The following USP28 variants were observed in gnomAD, a reference collection of about 807,000 sequenced individuals.
USP28 encodes ubiquitin specific peptidase 28.
A neutral mutation model predicts 145.0 loss-of-function variants in USP28; 113 were observed. That is an observed-to-expected ratio of 0.78 (90% confidence interval 0.67 to 0.91). The LOEUF is 0.91. Among genes scored for constraint, USP28 ranks in the 40% least tolerant of loss-of-function variants. The pLI is 0.00. For synonymous variants in USP28, 447 were observed against 450.9 expected, an observed-to-expected ratio of 0.99 and a Z score of 0.11; for missense variants, 1,201 against 1,289.6, an observed-to-expected ratio of 0.93 and a Z score of 1.05.
intron 12 of USP28, among the ~76,000 whole-genome samples, chr11:113,819,907 C>T (rs1274385308): frequency 2.6e-5 from 4 of 152,104 alleles, no homozygotes; most frequent in Non-Finnish European, 4.4e-5. Flanking sequence ...TTAGTAGAGA[C>T]GGGGTTTCAC....
At chr11:113,845,129 A>AC (rs1945675886) in intron 3 of USP28, among the ~76,000 whole-genome samples, 2 of 151,018 alleles carry the variant, frequency 1.3e-5, no homozygotes, top group Non-Finnish European at 1.5e-5. Flanking sequence ...AAAAAAAAAA[A>AC]AAACAACAAA....
At chr11:113,828,225 G>A (rs12416876) in intron 10 of USP28, among the ~76,000 whole-genome samples, 5,366 of 152,246 alleles carry the variant, frequency 0.035, 439 homozygotes, top group East Asian at 0.3. Context: ...ACCACCTCAG[G>A]GTGAAATCTA....
intron 14 of USP28, among the ~76,000 whole-genome samples, chr11:113,814,288 G>C (rs976379798): frequency 6.6e-6 from 1 of 152,106 alleles, no homozygotes; most frequent in Non-Finnish European, 1.5e-5. Flanking sequence ...CAGAACAAAG[G>C]GTAAGGCTAA....
chr11:113,861,661 T>C (rs1293892919), intron 1 of USP28, among the ~76,000 whole-genome samples: 1 of 152,248 alleles, frequency 6.6e-6, no homozygotes, highest in East Asian at 1.9e-4. Context: ...CCTAGTTCTA[T>C]TTCCCAGGGG....
chr11:113,810,278 G>A (rs1940764270), intron 16 of USP28, among the ~76,000 whole-genome samples: 1 of 152,118 alleles, frequency 6.6e-6, no homozygotes, highest in Admixed American at 6.5e-5. Context: ...AAAGCAATTT[G>A]ATACAATGGT....
In USP28 at chr11:113,829,349, G is replaced by A; in HGVS notation, c.911-4C>T. On this transcript the variant is annotated splice_region_variant and splice_polypyrimidine_tract_variant and intron_variant, in intron 9 of 24. Coordinates refer to ENST00000003302, the Ensembl canonical transcript of USP28. ...TCATTGTTACAAAAGGGTTTTCCTAGGCAAAGAGAGAGACTTTTTAAAAAA... is the reference window on the plus strand; with the variant it reads ...TCATTGTTACAAAAGGGTTTTCCTAAGCAAAGAGAGAGACTTTTTAAAAAA... 1.2e-6 allele frequency: 2 copies of A among 1,612,170 alleles called. No individual in the cohort carries two copies. Among genetic ancestry groups the A allele is most frequent in the Non-Finnish European group, 1.7e-6 (2 of 1,179,892 alleles).
At chr11:113,853,878 C>CAAAAAAAAAAAAAAAAAAAA (rs57739058) in intron 2 of USP28, among the ~76,000 whole-genome samples, 2 of 123,222 alleles carry the variant, frequency 1.6e-5, no homozygotes, top group Non-Finnish European at 3.3e-5. Context: ...GACTCCATCT[C>CAAAAAAAAAAAAAAAAAAAA]AAAAAAAAAA....
Position 113,833,554 on chromosome 11 carries a change from T to C in USP28, c.625A>G (p.Lys209Glu), listed in dbSNP as rs772921117. 4.3e-5 allele frequency: 70 copies of C among 1,613,172 alleles called. No homozygotes were observed. The highest frequency in any genetic ancestry group is 5.8e-5 in the Non-Finnish European group (69 of 1,179,748). Reference sequence around the variant, plus strand: ...TCTTGCATAAACATGATATTTCTCTTTTCCTGTAGAAAACACAGTACATGT... The same window carrying C: ...TCTTGCATAAACATGATATTTCTCTCTTCCTGTAGAAAACACAGTACATGT... Residue 209 changes from lysine (K) to glutamate (E), a missense_variant, in exon 7 of 25, where the codon AAG becomes GAG. Lys to Glu is a moderately conservative substitution (Grantham distance 56). Transcript: ENST00000003302.
At chr11:113,818,008 A>G in intron 12 of USP28, 171 bp from the exon 13 acceptor site, 2 of 560,396 alleles carry the variant, frequency 3.6e-6, no homozygotes, top group Non-Finnish European at 5.8e-6. Flanking sequence ...TTCTCTAACT[A>G]CAAAACTAAA....
chr11:113,840,585 A>T lies in USP28; in HGVS notation c.534+13T>A. On this transcript the variant is annotated intron_variant, in intron 5 of 24. Coordinates refer to ENST00000003302, the Ensembl canonical transcript of USP28. ...TTTCCAAAAGACACAGTTATCTCTT[A>T]AAAATATCATACCTGAATAACAGCA... The T allele has an allele frequency of 6.2e-7, 1 of 1,605,952 alleles. No individual in the cohort carries two copies. The highest frequency in any genetic ancestry group is 1.3e-5 in the African/African-American group (1 of 74,822).
In USP28 at chr11:113,804,689, T is replaced by C. The variant is rs746481455; in HGVS notation, c.2642A>G (p.Asn881Ser). 12 of 1,614,216 alleles carry C rather than the reference T, an allele frequency of 7.4e-6. No homozygotes were observed. In the South Asian group the frequency reaches 1.3e-4, roughly 18 times the overall value. ...ACACTTTACCTTGTACTCTTCCATA[T>C]TCATGTCATCTGGACCAATTTCCTT... The change falls in exon 21 of 25, where the codon AAT becomes AGT. Residue 881 changes from asparagine to serine, a missense_variant. Transcript: ENST00000003302.
intron 10 of USP28, 92 bp from the exon 11 acceptor site, chr11:113,827,452 T>G: frequency 1.5e-6 from 2 of 1,364,024 alleles, no homozygotes; most frequent in South Asian, 3.1e-5. Flanking sequence ...TAAAGTTTCT[T>G]CCTTTGGTAT....
Position 113,823,668 on chromosome 11 carries a change from T to C in USP28, c.1220A>G (p.Asn407Ser), listed in dbSNP as rs2135736952. Residue 407 changes from asparagine (N) to serine (S), a missense_variant, in exon 12 of 25, where the codon AAT becomes AGT. By Grantham distance (46) the Asn-to-Ser change is conservative. Transcript: ENST00000003302. ...CAACTTTCGAATACACTCTCTCTTATTTCGAATAAGCTCCTTGCTCCTGTA... is the reference window on the plus strand; with the variant it reads ...CAACTTTCGAATACACTCTCTCTTACTTCGAATAAGCTCCTTGCTCCTGTA... The C allele has an allele frequency of 2.5e-5, 40 of 1,612,310 alleles. No homozygotes were observed. Among genetic ancestry groups the C allele is most frequent in the Non-Finnish European group, 3.4e-5 (40 of 1,179,504 alleles).
chr11:113,847,448 C>A (rs530856595), intron 3 of USP28, among the ~76,000 whole-genome samples: 1 of 5,848 alleles, frequency 1.7e-4, no homozygotes, highest in Non-Finnish European at 4.1e-4. Context: ...AGAAACGGGA[C>A]GGGGGTGGGG....
At chr11:113,803,876 T>C (rs775007751) in exon 22 of USP28, 1 of 1,613,132 alleles carries the variant, frequency 6.2e-7, no homozygotes, top group Non-Finnish European at 8.5e-7. Context: ...TTCATGCCAC[T>C]TCTGAAAAAG....
At chr11:113,845,035 A>C (rs1565451914) in intron 3 of USP28, among the ~76,000 whole-genome samples, 1 of 151,482 alleles carries the variant, frequency 6.6e-6, no homozygotes, top group African/African-American at 2.4e-5. Context: ...TGGGAGGATC[A>C]CTTGAGCCTG....
At chr11:113,815,225 C>T (rs752867163) in exon 14 of USP28, 1 of 1,614,174 alleles carries the variant, frequency 6.2e-7, no homozygotes, top group Non-Finnish European at 8.5e-7. Flanking sequence ...CAGGTCTTAA[C>T]AAAATTTATC....
intron 24 of USP28, among the ~76,000 whole-genome samples, chr11:113,800,346 A>C (rs1428534374): frequency 6.6e-6 from 1 of 151,852 alleles, no homozygotes; most frequent in African/African-American, 2.4e-5. Context: ...GTCTCACTCC[A>C]AGCTGGAGTG....
chr11:113,819,394 T>C (rs937991638), intron 12 of USP28, among the ~76,000 whole-genome samples: 7 of 152,134 alleles, frequency 4.6e-5, no homozygotes, highest in African/African-American at 1.7e-4. Context: ...ATTACAGGTG[T>C]GAGCCACTGT....
Sources: allele counts gnomAD v4.1 joint callset (sites outside exome capture counted in the v4.1 genomes callset), GRCh38; gene constraint gnomAD v4.1.1; transcripts MANE v1.5; gene names NCBI Gene and HGNC (gene_info 2026-07-23, HGNC 2026-07-21).